Variants in WDPCP observed in about 807,000 individuals in gnomAD.
WDPCP encodes WD repeat containing planar cell polarity effector.
In WDPCP, 71 loss-of-function variants were observed where a neutral mutation model predicts 93.1. The ratio of observed to expected loss-of-function variants is 0.76; its 90% CI spans 0.63 to 0.93. WDPCP has a LOEUF of 0.93. WDPCP is among the 40% of genes least tolerant of loss of function. The pLI, the probability that WDPCP is intolerant of heterozygous loss-of-function variation, is 0.00. For synonymous variants in WDPCP, 315 were observed against 315.0 expected (o/e 1.00, Z 0.00); for missense variants, 844 against 887.4 (o/e 0.95, Z 0.62).
At chr2:63,180,482 C>T (rs766559053) in intron 14 of WDPCP, among the ~76,000 whole-genome samples, 1 of 152,150 alleles carries the variant, frequency 6.6e-6, no homozygotes, top group African/African-American at 2.4e-5. Context: ...ATTATAGCCT[C>T]CAGTTCCATC....
In WDPCP at chr2:63,603,882, G is replaced by A. The variant is rs534969235; in HGVS notation, n.488+46777C>T. The stretch of plus-strand genomic sequence containing the variant: ...ATGTTGGTCAGGCTGGTCTCGAACT[G>A]TCAACCTCAGGTGATCTGCCCGCCT... On this transcript the variant is annotated intron_variant and non_coding_transcript_variant, in intron 3 of 4. Coordinates refer to the WDPCP transcript ENST00000467687. 2.0e-5 allele frequency among the ~76,000 whole-genome samples: 3 copies of A among 152,078 alleles called. No individual in the cohort carries two copies. In the South Asian group the frequency reaches 6.2e-4, roughly 32 times the overall value.
chr2:63,583,339 T>C (rs1175242391), intron 1 of WDPCP, among the ~76,000 whole-genome samples: 2 of 152,060 alleles, frequency 1.3e-5, no homozygotes. Context: ...AGAGAACAAA[T>C]GGGACAAATT....
chr2:63,276,895 A>G (rs1301127687), intron 13 of WDPCP, among the ~76,000 whole-genome samples: 1 of 152,218 alleles, frequency 6.6e-6, no homozygotes, highest in Non-Finnish European at 1.5e-5. Context: ...GAAATTTATC[A>G]CAAAAAGATC....
chr2:63,820,252 G>A (rs1325743126), intron 1 of WDPCP, among the ~76,000 whole-genome samples: 3 of 152,116 alleles, frequency 2.0e-5, no homozygotes, highest in East Asian at 1.9e-4. Flanking sequence ...ACATTTTAAT[G>A]TTTATAAATT....
intron 12 of WDPCP, among the ~76,000 whole-genome samples, chr2:63,326,747 CAG>C (rs1315503223): frequency 8.6e-5 from 13 of 150,372 alleles, no homozygotes; most frequent in Admixed American, 4.0e-4. Context: ...AGAAGAAAGT[CAG>C]AGAGAGAGAG....
rs1224396363 is a variant in WDPCP, at chr2:63,614,796, A to C, written n.488+35863T>G. Reference sequence around the variant, plus strand: ...GAAATGCTTCCCAGAGAGGAATTTCAAGAATCTGAACAGACAGGCCTTGCT... The same window carrying C: ...GAAATGCTTCCCAGAGAGGAATTTCCAGAATCTGAACAGACAGGCCTTGCT... On this transcript the variant is annotated intron_variant and non_coding_transcript_variant, in intron 3 of 4. Transcript: ENST00000467687. 2.0e-5 allele frequency among the ~76,000 whole-genome samples: 3 copies of C among 152,302 alleles called. No individual in the cohort carries two copies. In the East Asian group the frequency reaches 5.8e-4, roughly 29 times the overall value.
chr2:63,184,242 G>T (rs1036432412), intron 14 of WDPCP, among the ~76,000 whole-genome samples: 2 of 151,828 alleles, frequency 1.3e-5, no homozygotes, highest in African/African-American at 4.8e-5. Flanking sequence ...GTTGTTTGGT[G>T]GAGTTCTGTC....
intron 12 of WDPCP, chr2:63,369,272 A>AGTGCCTATATT: frequency 2.6e-6 from 1 of 377,482 alleles, no homozygotes; most frequent in Non-Finnish European, 5.2e-6. Flanking sequence ...GAATATAGGC[A>AGTGCCTATATT]CTGTATGTCT....
chr2:63,451,612 G>C (rs1218965835), intron 6 of WDPCP, among the ~76,000 whole-genome samples: 1 of 152,186 alleles, frequency 6.6e-6, no homozygotes, highest in Non-Finnish European at 1.5e-5. Flanking sequence ...GCATCATCCT[G>C]ATACCAAAGC....
chr2:63,701,620 T>C (rs1416322924), intron 2 of WDPCP, among the ~76,000 whole-genome samples: 2 of 152,164 alleles, frequency 1.3e-5, no homozygotes, highest in African/African-American at 2.4e-5. Context: ...AATGGATGAA[T>C]GGATAAAGAA....
chr2:63,336,895 C>CT (rs70965120), intron 12 of WDPCP, among the ~76,000 whole-genome samples: 5,606 of 122,232 alleles, frequency 0.046, 370 homozygotes, highest in Non-Finnish European at 0.069. Flanking sequence ...ATGAGAGTCA[C>CT]TTTTTTTTTT....
At chr2:63,531,721 G>C (rs923665099) in intron 1 of WDPCP, among the ~76,000 whole-genome samples, 3 of 152,154 alleles carry the variant, frequency 2.0e-5, no homozygotes, top group Non-Finnish European at 4.4e-5. Flanking sequence ...CATTATCAAA[G>C]ACCAAAGGTA....
intron 2 of WDPCP, among the ~76,000 whole-genome samples, chr2:63,799,942 A>G (rs1487091777): frequency 6.6e-6 from 1 of 152,202 alleles, no homozygotes; most frequent in East Asian, 1.9e-4. Flanking sequence ...GAGAAGCATT[A>G]AAATGTTCTC....
chr2:63,703,909 A>G (rs1271996042), intron 2 of WDPCP, among the ~76,000 whole-genome samples: 3 of 152,032 alleles, frequency 2.0e-5, no homozygotes, highest in Admixed American at 2.0e-4. Flanking sequence ...CATTTTCACG[A>G]TATTGATTCT....
chr2:63,217,815 G>C (rs955185343), intron 14 of WDPCP, among the ~76,000 whole-genome samples: 1 of 152,070 alleles, frequency 6.6e-6, no homozygotes, highest in African/African-American at 2.4e-5. Context: ...CGACTTACAG[G>C]TGTTTATCTT....
intron 9 of WDPCP, among the ~76,000 whole-genome samples, chr2:63,431,159 A>AT (rs11405769): frequency 0.79 from 119,085 of 151,556 alleles, 47,164 homozygotes; most frequent in East Asian, 0.98. Context: ...CTTAAAAAAC[A>AT]TTTTTTTTAA....
intron 2 of WDPCP, among the ~76,000 whole-genome samples, chr2:63,724,232 C>T (rs962665928): frequency 6.6e-6 from 1 of 152,010 alleles, no homozygotes; most frequent in Non-Finnish European, 1.5e-5. Context: ...AACAACAGAA[C>T]AAAAATGGGC....
At chr2:63,704,851 T>G (rs1396031195) in intron 2 of WDPCP, among the ~76,000 whole-genome samples, 3 of 152,200 alleles carry the variant, frequency 2.0e-5, no homozygotes, top group Non-Finnish European at 2.9e-5. Context: ...TTCTATTGAT[T>G]GGGATAGTTT....
intron 10 of WDPCP, chr2:63,403,607 AAC>A (rs955771021): frequency 6.4e-6 from 1 of 155,164 alleles, no homozygotes; most frequent in Admixed American, 6.4e-5. Context: ...TTTCTTTTAA[AAC>A]ACTTGCTTCA....
Sources: gnomAD v4.1 joint callset for allele counts (sites outside exome capture counted in the v4.1 genomes callset) on GRCh38, gnomAD v4.1.1 for gene constraint, MANE v1.5 for transcripts, NCBI Gene and HGNC (gene_info 2026-07-23, HGNC 2026-07-21) for gene names.